The following FNBP1 variants were observed in gnomAD, a reference collection of about 807,000 sequenced individuals.
The protein encoded by FNBP1 is formin-binding protein 1.
Under a neutral mutation model 90.6 loss-of-function variants are expected in FNBP1, and 26 were observed. The observed-to-expected ratio is 0.29, with a 90% CI of 0.21 to 0.40. FNBP1 has a LOEUF of 0.40. Among genes scored for constraint, FNBP1 ranks in the 10% least tolerant of loss-of-function variants. The pLI, the probability that FNBP1 is intolerant of heterozygous loss-of-function variation, is 1.00. For missense variants in FNBP1, 635 were observed against 768.0 expected, an observed-to-expected ratio of 0.83 and a Z score of 2.05; for synonymous variants, 260 against 265.2, an observed-to-expected ratio of 0.98 and a Z score of 0.19.
chr9:130,029,643 T>C lies in FNBP1; in HGVS notation c.24+13309A>G, dbSNP rs77800507. 9.2e-3 allele frequency among the ~76,000 whole-genome samples: 1,407 copies of C among 152,306 alleles called. 19 individuals are homozygous for C. The highest frequency in any genetic ancestry group is 0.032 in the African/African-American group (1,334 of 41,564). Reference sequence around the variant, plus strand: ...AAGGAATCAAAATGTTAAACAGTGCTACCTAAGCCACATCAAAACTACCTA... The same window carrying C: ...AAGGAATCAAAATGTTAAACAGTGCCACCTAAGCCACATCAAAACTACCTA... On this transcript the variant is annotated intron_variant, in intron 1 of 16. Coordinates refer to ENST00000446176, the MANE Select transcript of FNBP1 (RefSeq NM_015033.3).
intron 6 of FNBP1, among the ~76,000 whole-genome samples, chr9:129,931,332 G>A (rs923332691): frequency 9.2e-5 from 14 of 151,926 alleles, no homozygotes; most frequent in African/African-American, 2.7e-4. Context: ...GGCTGGGCGC[G>A]GTGGCTCACG....
At chr9:130,033,528 G>C (rs984958147) in intron 1 of FNBP1, among the ~76,000 whole-genome samples, 6 of 152,122 alleles carry the variant, frequency 3.9e-5, no homozygotes, top group Non-Finnish European at 8.8e-5. Context: ...TGTTCCTGAA[G>C]ACTCAAAACT....
At chr9:130,047,198 T>A (rs906643943), upstream of FNBP1, among the ~76,000 whole-genome samples, 2 of 151,882 alleles carry the variant, frequency 1.3e-5, no homozygotes, top group Non-Finnish European at 2.9e-5. Context: ...AAATAAAAAT[T>A]AAAAGAACAC....
intron 16 of FNBP1, among the ~76,000 whole-genome samples, chr9:129,893,933 AG>A (rs2035396163): frequency 7.0e-6 from 1 of 142,386 alleles, no homozygotes; most frequent in South Asian, 2.3e-4. Context: ...AAAAAAAAAA[AG>A]TTTTTTAAAA....
At chr9:129,983,513 C>T (rs1467458361) in intron 2 of FNBP1, among the ~76,000 whole-genome samples, 1 of 152,124 alleles carries the variant, frequency 6.6e-6, no homozygotes, top group Non-Finnish European at 1.5e-5. Flanking sequence ...TTTGTATTAC[C>T]GTTATTTAAA....
At chr9:129,965,483 C>G (rs765258944) in intron 4 of FNBP1, among the ~76,000 whole-genome samples, 1 of 152,188 alleles carries the variant, frequency 6.6e-6, no homozygotes. Flanking sequence ...CACTGTTCCT[C>G]GGTTATTCTC....
rs562127948 is a variant in FNBP1, at chr9:129,887,814, G to A, written c.*2725C>T. 3.5e-5 allele frequency: 8 copies of A among 230,200 alleles called. No individual in the cohort carries two copies. Among genetic ancestry groups the A allele is most frequent in the South Asian group, 3.6e-4 (2 of 5,510 alleles). 14.3% of individuals were successfully genotyped at this position (230,200 alleles called of 1,614,324 possible). A position where few individuals can be genotyped will look rare whatever the true frequency, so the allele number is the denominator to read the frequency against. ...TTACAACACAACAGTATTCTAGCAC[G>A]GTGGCGAAGTGACAGGCGGCAGATA... On this transcript the variant is annotated 3_prime_UTR_variant, in exon 17 of 17. Transcript: ENST00000446176.
chr9:129,952,628 A>G (rs1446880471), intron 6 of FNBP1, among the ~76,000 whole-genome samples: 1 of 152,218 alleles, frequency 6.6e-6, no homozygotes, highest in African/African-American at 2.4e-5. Flanking sequence ...TAACTTAAAG[A>G]TATCTGGTTT....
At chr9:130,004,904 A>C in intron 1 of FNBP1, among the ~76,000 whole-genome samples, 1 of 152,074 alleles carries the variant, frequency 6.6e-6, no homozygotes, top group Non-Finnish European at 1.5e-5. Flanking sequence ...TGTCTCTACT[A>C]AAAACACAAA....
rs367857595 is a variant in FNBP1, at chr9:129,907,797, C to T, written c.1295+1093G>A. ...AGGCTGGAGTGCAGTGGCGCAATCT[C>T]GGCTCACTGCAAGCTCCGCCTCCCG... On this transcript the variant is annotated intron_variant, in intron 12 of 16. Coordinates refer to ENST00000446176, the MANE Select transcript of FNBP1 (RefSeq NM_015033.3). Among the ~76,000 whole-genome samples, 14 of 151,088 alleles carry T rather than the reference C, an allele frequency of 9.3e-5. No individual in the cohort carries two copies. The East Asian group carries it at 2.4e-3, about 26-fold the overall frequency.
intron 1 of FNBP1, among the ~76,000 whole-genome samples, chr9:130,005,640 CA>C (rs991189407): frequency 3.3e-5 from 5 of 151,998 alleles, no homozygotes; most frequent in African/African-American, 1.2e-4. Context: ...TGTGCCCTGC[CA>C]AATTGAGAAT....
intron 1 of FNBP1, among the ~76,000 whole-genome samples, chr9:130,015,471 G>A (rs2131778288): frequency 6.6e-6 from 1 of 152,208 alleles, no homozygotes; most frequent in South Asian, 2.1e-4. Context: ...GAAGAGGCCA[G>A]CAGTACCAAG....
intron 1 of FNBP1, among the ~76,000 whole-genome samples, chr9:130,006,926 G>A (rs1321925510): frequency 6.6e-6 from 1 of 152,022 alleles, no homozygotes; most frequent in African/African-American, 2.4e-5. Context: ...GCATATGGAT[G>A]AAGTTAGTGA....
chr9:129,973,627 A>C (rs927311721), intron 4 of FNBP1, among the ~76,000 whole-genome samples: 55 of 150,004 alleles, frequency 3.7e-4, no homozygotes, highest in African/African-American at 1.4e-3. Flanking sequence ...CAGCCTCCCA[A>C]GTAGCTGGGA....
At chr9:129,962,230 C>A (rs1475836079) in intron 4 of FNBP1, among the ~76,000 whole-genome samples, 1 of 152,222 alleles carries the variant, frequency 6.6e-6, no homozygotes. Context: ...CCCTGTGAGG[C>A]CTGGGGGCAA....
chr9:129,923,710 T>C (rs1390844946), intron 10 of FNBP1, 134 bp downstream of exon 10: 4 of 1,026,264 alleles, frequency 3.9e-6, no homozygotes, highest in Admixed American at 3.9e-5. Flanking sequence ...TAATGGTTTT[T>C]GTTTTTTTTT....
intron 10 of FNBP1, 58 bp from the exon 11 acceptor site, chr9:129,916,038 G>GAA: frequency 5.5e-6 from 6 of 1,094,036 alleles, no homozygotes; most frequent in South Asian, 2.7e-5. Flanking sequence ...GAGAGAAAGA[G>GAA]AAAAAAAAAC....
At chr9:129,924,175 G>A in intron 9 of FNBP1, 149 bp from the exon 10 acceptor site, 1 of 754,322 alleles carries the variant, frequency 1.3e-6, no homozygotes, top group South Asian at 1.9e-5. Context: ...AAAACATGTA[G>A]GAGGTGGTTA....
At chr9:129,896,981 C>T (rs1357025441) in intron 15 of FNBP1, among the ~76,000 whole-genome samples, 1 of 152,198 alleles carries the variant, frequency 6.6e-6, no homozygotes, top group Non-Finnish European at 1.5e-5. Context: ...CATTCTGGTA[C>T]TTTCTGCAGC....
Sources: allele counts gnomAD v4.1 joint callset (sites outside exome capture counted in the v4.1 genomes callset), GRCh38; gene constraint gnomAD v4.1.1; transcripts MANE v1.5; gene names NCBI Gene and HGNC (gene_info 2026-07-23, HGNC 2026-07-21).